Variants in PAX7 observed in about 807,000 individuals in gnomAD.
The protein encoded by PAX7 is paired box protein Pax-7.
PAX7 carries 18 observed loss-of-function variants against 50.7 expected under a neutral mutation model. The ratio of observed to expected loss-of-function variants is 0.36; its 90% CI spans 0.25 to 0.53. The LOEUF (loss-of-function observed/expected upper bound fraction) is 0.53, where lower values mean the gene tolerates loss of function less well. PAX7 is among the 20% of genes least tolerant of loss of function. The pLI is 0.93. For synonymous variants in PAX7, 310 were observed against 290.4 expected, an observed-to-expected ratio of 1.07 and a Z score of -0.69; for missense variants, 644 against 702.9, an observed-to-expected ratio of 0.92 and a Z score of 0.95.
intron 4 of PAX7, among the ~76,000 whole-genome samples, chr1:18,652,688 C>G (rs2088452458): frequency 6.6e-6 from 1 of 152,184 alleles, no homozygotes; most frequent in Non-Finnish European, 1.5e-5. Flanking sequence ...ATCAGATCCT[C>G]CCAAGAATAC....
intron 5 of PAX7, among the ~76,000 whole-genome samples, chr1:18,697,306 G>A (rs1176904582): frequency 6.6e-6 from 1 of 152,162 alleles, no homozygotes; most frequent in African/African-American, 2.4e-5. Flanking sequence ...TAGGGTGCTG[G>A]GGCTGTCACT....
intron 7 of PAX7, among the ~76,000 whole-genome samples, chr1:18,711,946 C>T (rs918998050): frequency 1.1e-4 from 17 of 152,166 alleles, no homozygotes; most frequent in African/African-American, 3.4e-4. Flanking sequence ...GCTCCCCTGC[C>T]CCACCCAAAC....
chr1:18,630,988 C>T lies in PAX7; in HGVS notation c.-616C>T, dbSNP rs1428550857. ...CCTTCTTCCGTCTGTCCCCGGGTCT[C>T]CTAGGGGACGGGGCTGTGAAAGCTG... On this transcript the variant is annotated 5_prime_UTR_variant, in exon 1 of 9. Transcript: ENST00000420770. 4 of 221,558 alleles carry T rather than the reference C, an allele frequency of 1.8e-5. No homozygotes were observed. The highest frequency in any genetic ancestry group is 6.7e-5 in the African/African-American group (3 of 44,556). 13.7% of individuals were successfully genotyped at this position (221,558 alleles called of 1,614,324 possible). A position where few individuals can be genotyped will look rare whatever the true frequency, so the allele number is the denominator to read the frequency against.
chr1:18,657,151 G>A (rs1024505892), intron 4 of PAX7, among the ~76,000 whole-genome samples: 6 of 151,982 alleles, frequency 3.9e-5, no homozygotes, highest in African/African-American at 1.2e-4. Flanking sequence ...ACCAGGCAGC[G>A]CACAATCAGG....
At chr1:18,713,860 A>G (rs2089384889) in intron 7 of PAX7, among the ~76,000 whole-genome samples, 1 of 152,186 alleles carries the variant, frequency 6.6e-6, no homozygotes, top group South Asian at 2.1e-4. Context: ...GAAAACAGTC[A>G]CTAATTTAGG....
At position 18,632,932 on chromosome 1, in the gene PAX7, G is replaced by T. The variant is rs2088079851; in HGVS notation, c.85+1244G>T. 6.6e-6 allele frequency among the ~76,000 whole-genome samples: 1 copy of T among 152,246 alleles called. No individual in the cohort carries two copies. Among genetic ancestry groups the T allele is most frequent in the Non-Finnish European group, 1.5e-5 (1 of 68,036 alleles). On this transcript the variant is annotated intron_variant, in intron 1 of 8. Coordinates refer to ENST00000420770, the MANE Select transcript of PAX7 (RefSeq NM_001135254.2). This position sits in a 1 kb window ranked among gnomAD's most constrained non-coding sequence, Gnocchi z 6.3. Reference sequence around the variant, plus strand: ...TAAAACAGGCGGCTGAGGACGCGCGGCGGATTAGAACAATATTTGCCCAAC... The same window carrying T: ...TAAAACAGGCGGCTGAGGACGCGCGTCGGATTAGAACAATATTTGCCCAAC...
At chr1:18,662,706 G>A (rs2088617396) in intron 4 of PAX7, among the ~76,000 whole-genome samples, 2 of 152,050 alleles carry the variant, frequency 1.3e-5, no homozygotes, top group South Asian at 2.1e-4. Flanking sequence ...GAGTAGCTGG[G>A]GTTACAGGGA....
chr1:18,638,887 C>T (rs752717187), intron 4 of PAX7, among the ~76,000 whole-genome samples: 1 of 152,222 alleles, frequency 6.6e-6, no homozygotes, highest in East Asian at 1.9e-4. Flanking sequence ...GGTGAAAAGA[C>T]CTTCCAATCT....
intron 4 of PAX7, among the ~76,000 whole-genome samples, chr1:18,648,444 C>T (rs1054839444): frequency 2.7e-5 from 4 of 150,720 alleles, no homozygotes; most frequent in Non-Finnish European, 5.9e-5. Context: ...CAGGCTCAAG[C>T]GATTCTCTCA....
intron 8 of PAX7, among the ~76,000 whole-genome samples, chr1:18,743,830 A>G (rs2789327): frequency 0.059 from 8,924 of 152,326 alleles, 894 homozygotes; most frequent in African/African-American, 0.2. Flanking sequence ...GTGCCTGCAC[A>G]TGCACTGGCA....
At chr1:18,674,294 T>A (rs1409622635) in intron 4 of PAX7, among the ~76,000 whole-genome samples, 1 of 152,040 alleles carries the variant, frequency 6.6e-6, no homozygotes, top group African/African-American at 2.4e-5. Context: ...ATGGAGGAGG[T>A]AGGTGTCCGG....
Position 18,636,476 on chromosome 1 carries a change from C to T in PAX7, c.586+105C>T. ...CCGCCGGAGCAGGCGACCAGAACTC[C>T]AGCGGAGAAACTCTCATGCTGCGGG... On this transcript the variant is annotated intron_variant, in intron 4 of 8. Transcript: ENST00000420770. This position sits in a 1 kb window ranked among gnomAD's most constrained non-coding sequence, Gnocchi z 5.1. 1.4e-6 allele frequency: 2 copies of T among 1,386,388 alleles called. No homozygotes were observed. The highest frequency in any genetic ancestry group is 2.0e-6 in the Non-Finnish European group (2 of 1,012,858). 85.9% of individuals were successfully genotyped at this position (1,386,388 alleles called of 1,614,324 possible).
In PAX7 at chr1:18,726,798, C is replaced by A. The variant is rs1044292490; in HGVS notation, c.1156-8834C>A. 6.6e-6 allele frequency among the ~76,000 whole-genome samples: 1 copy of A among 152,186 alleles called. No homozygotes were observed. Among genetic ancestry groups the A allele is most frequent in the Admixed American group, 6.5e-5 (1 of 15,282 alleles). On this transcript the variant is annotated intron_variant, in intron 7 of 8. Transcript: ENST00000420770. The surrounding 1 kb of genome is among the most constrained non-coding windows in gnomAD (Gnocchi z 4.8). ...GCTTTCCTCTTCACTCAGACAGAGC[C>A]GGCCTCATGAGTCTTTCCAAGTCTG...
rs2088156753 is a variant in PAX7 at position 18,636,358 on chromosome 1, C to T, written c.573C>T (p.Ile191=). 1.2e-6 allele frequency: 2 copies of T among 1,614,076 alleles called. No homozygotes were observed. The highest frequency in any genetic ancestry group is 1.7e-6 in the Non-Finnish European group (2 of 1,180,002). The stretch of plus-strand genomic sequence containing the variant: ...AGGCCAAACACAGCATCGACGGCAT[C>T]CTGGGCGACAAAGGTAGGGAACTTC... ...EKKAKHSIDG[I]LGDKGNRLDE... is the part of the protein sequence containing the mutation. The change falls in exon 4 of 9, where the codon ATC becomes ATT. Residue 191 remains isoleucine (I), a synonymous_variant. Transcript: ENST00000420770. This position sits in a 1 kb window ranked among gnomAD's most constrained non-coding sequence, Gnocchi z 5.1.
chr1:18,711,019 G>A (rs944794498), intron 7 of PAX7, among the ~76,000 whole-genome samples: 2 of 152,188 alleles, frequency 1.3e-5, no homozygotes, highest in African/African-American at 4.8e-5. Context: ...CTTCCTGGGC[G>A]AGTCTCCTGC....
chr1:18,695,904 T>A (rs2089143880), intron 5 of PAX7, among the ~76,000 whole-genome samples: 1 of 152,040 alleles, frequency 6.6e-6, no homozygotes, highest in Non-Finnish European at 1.5e-5. Context: ...GTACAACGCC[T>A]CTTTACTTTA....
intron 6 of PAX7, among the ~76,000 whole-genome samples, chr1:18,701,409 C>CGTATGAGTGAGTGA (rs2089219961): frequency 6.7e-6 from 1 of 150,256 alleles, no homozygotes; most frequent in South Asian, 2.1e-4. Flanking sequence ...TGAGTGTGTG[C>CGTATGAGTGAGTGA]GTATGAGTGA....
At chr1:18,654,118 C>T (rs927689308) in intron 4 of PAX7, among the ~76,000 whole-genome samples, 7 of 152,060 alleles carry the variant, frequency 4.6e-5, no homozygotes, top group African/African-American at 1.7e-4. Flanking sequence ...AGAAATTGCC[C>T]GAGGAGCACA....
At position 18,746,944 on chromosome 1, in the gene PAX7, A is replaced by G. The variant is rs1931468933; in HGVS notation, c.*2015A>G. The G allele has an allele frequency of 4.3e-6, 1 of 231,698 alleles. No individual in the cohort carries two copies. The allele number at this position is 231,698 out of a possible 1,614,324, so 14.4% of individuals were successfully genotyped here. A position where few individuals can be genotyped will look rare whatever the true frequency, so the allele number is the denominator to read the frequency against. On this transcript the variant is annotated 3_prime_UTR_variant, in exon 9 of 9. Transcript: ENST00000420770. ...AGCAGCAGACACATGTGATCCATCAAGATCAACCAAGGTTGCAACTGGAGC... is the reference window on the plus strand; with the variant it reads ...AGCAGCAGACACATGTGATCCATCAGGATCAACCAAGGTTGCAACTGGAGC...
Sources: gnomAD v4.1 joint callset for allele counts (sites outside exome capture counted in the v4.1 genomes callset) on GRCh38, gnomAD v4.1.1 for gene constraint, Gnocchi (gnomAD v3.1) non-coding constraint, MANE v1.5 for transcripts, NCBI Gene and HGNC (gene_info 2026-07-23, HGNC 2026-07-21) for gene names.